The following ATF6 variants were observed in gnomAD, a reference collection of about 807,000 sequenced individuals.
The protein encoded by ATF6 is activating transcription factor 6, also known as cyclic AMP-dependent transcription factor ATF-6 alpha.
A neutral mutation model predicts 83.6 loss-of-function variants in ATF6; 53 were observed. The observed-to-expected ratio is 0.63, with a 90% confidence interval of 0.51 to 0.80. The LOEUF (loss-of-function observed/expected upper bound fraction) is 0.80, where lower values mean the gene tolerates loss of function less well. Ranked by LOEUF, ATF6 falls within the 30% of genes least tolerant of loss-of-function variation. ATF6 has a pLI of 0.00. For missense variants in ATF6, 744 were observed against 797.9 expected (o/e 0.93, Z 0.81); for synonymous variants, 288 against 285.8 (o/e 1.01, Z -0.08).
chr1:161,777,147 T>C (rs555488172), intron 1 of ATF6, among the ~76,000 whole-genome samples: 29 of 152,248 alleles, frequency 1.9e-4, no homozygotes, highest in African/African-American at 6.3e-4. Context: ...ATTATGTGTA[T>C]GTGGAGCGGG....
At chr1:161,812,373 T>C (rs1006833965) in intron 7 of ATF6, among the ~76,000 whole-genome samples, 15 of 14,386 alleles carry the variant, frequency 1.0e-3, no homozygotes, top group African/African-American at 4.1e-3. Flanking sequence ...GGTATTTTCT[T>C]TTTTTTTTTT....
chr1:161,774,997 TGGGAAAGTGCA>T (rs535659168), intron 1 of ATF6, among the ~76,000 whole-genome samples: 7 of 152,276 alleles, frequency 4.6e-5, no homozygotes, highest in African/African-American at 1.4e-4. Flanking sequence ...ATTCCAGGGC[TGGGAAAGTGCA>T]GGGAAAGTGC....
At chr1:161,920,139 T>TA (rs1053477273) in intron 15 of ATF6, among the ~76,000 whole-genome samples, 4 of 151,992 alleles carry the variant, frequency 2.6e-5, no homozygotes, top group African/African-American at 4.8e-5. Context: ...CTATTTTTTT[T>TA]AAAAAAGTAT....
intron 6 of ATF6, among the ~76,000 whole-genome samples, chr1:161,796,578 C>T (rs932728105): frequency 6.6e-6 from 1 of 152,168 alleles, no homozygotes; most frequent in Non-Finnish European, 1.5e-5. Context: ...TTGTACAGCT[C>T]TTCAAATTTT....
intron 15 of ATF6, among the ~76,000 whole-genome samples, chr1:161,913,790 T>C (rs1354485976): frequency 6.6e-6 from 1 of 152,224 alleles, no homozygotes; most frequent in Non-Finnish European, 1.5e-5. Flanking sequence ...CTGCCTAAAC[T>C]AGAATAGACC....
chr1:161,901,817 T>A (rs1281099426), intron 14 of ATF6, among the ~76,000 whole-genome samples: 3 of 152,174 alleles, frequency 2.0e-5, no homozygotes, highest in Non-Finnish European at 4.4e-5. Flanking sequence ...TTTTACCCTC[T>A]GTAACATTAA....
At chr1:161,900,658 AG>A (rs1687765006) in intron 14 of ATF6, among the ~76,000 whole-genome samples, 4 of 152,158 alleles carry the variant, frequency 2.6e-5, no homozygotes, top group African/African-American at 9.6e-5. Context: ...GCTTGATTAA[AG>A]TAGTTTATTT....
intron 9 of ATF6, among the ~76,000 whole-genome samples, chr1:161,827,920 A>G (rs932327538): frequency 7.9e-5 from 12 of 152,046 alleles, no homozygotes; most frequent in African/African-American, 9.7e-5. Flanking sequence ...TCATCTAGCT[A>G]TTTTTGGCAT....
chr1:161,821,835 C>T (rs1685769877), intron 9 of ATF6, among the ~76,000 whole-genome samples: 1 of 152,106 alleles, frequency 6.6e-6, no homozygotes, highest in Admixed American at 6.6e-5. Flanking sequence ...GCAGAGAAAG[C>T]ATTAGAAGAC....
rs555932310 is a variant in ATF6 at position 161,919,743 on chromosome 1, C to T, written c.1804+7363C>T. Among the ~76,000 whole-genome samples the T allele has an allele frequency of 3.0e-4, 46 of 152,192 alleles. No individual in the cohort carries two copies. The East Asian group carries it at 4.2e-3, about 14-fold the overall frequency. On this transcript the variant is annotated intron_variant, in intron 15 of 15. Coordinates refer to ENST00000367942, the MANE Select transcript of ATF6 (RefSeq NM_007348.4). ...TTATAACTGTTACTTGAATTAAGGG[C>T]CCACGTAGATGAACAAATGACTACC... is the stretch of plus-strand genomic sequence containing the variant.
chr1:161,848,061 C>G (rs1686524859), intron 10 of ATF6, among the ~76,000 whole-genome samples: 1 of 151,676 alleles, frequency 6.6e-6, no homozygotes, highest in South Asian at 2.1e-4. Flanking sequence ...TTTTCCCTCC[C>G]TTCTCCAAAG....
chr1:161,778,495 A>G (rs1229501572), intron 2 of ATF6, among the ~76,000 whole-genome samples, 175 bp downstream of exon 2: 3 of 152,178 alleles, frequency 2.0e-5, no homozygotes, highest in African/African-American at 7.2e-5. Context: ...TAAATGTAGG[A>G]CAGTAGAAAT....
intron 6 of ATF6, among the ~76,000 whole-genome samples, chr1:161,792,710 G>A (rs1453671478): frequency 6.6e-6 from 1 of 152,194 alleles, no homozygotes; most frequent in Non-Finnish European, 1.5e-5. Context: ...TTTCAGGTGT[G>A]TTATAGCAAT....
intron 7 of ATF6, among the ~76,000 whole-genome samples, chr1:161,814,882 A>G (rs892056502): frequency 3.3e-5 from 5 of 152,232 alleles, no homozygotes; most frequent in Non-Finnish European, 7.3e-5. Flanking sequence ...TTAAGAATGT[A>G]TCTATAAATA....
chr1:161,783,363 A>G (rs1179843582), intron 3 of ATF6, among the ~76,000 whole-genome samples: 5 of 152,098 alleles, frequency 3.3e-5, no homozygotes. Flanking sequence ...CGTATGGCTA[A>G]TTTTGGAAAA....
At chr1:161,917,740 A>G (rs1044359793) in intron 15 of ATF6, among the ~76,000 whole-genome samples, 8 of 152,114 alleles carry the variant, frequency 5.3e-5, no homozygotes, top group African/African-American at 1.7e-4. Context: ...ATTTTTCACA[A>G]TTTTGCTCAT....
rs1004586845 is a variant in ATF6, at chr1:161,959,824, G to A, written c.*1170G>A. The A allele has an allele frequency of 1.3e-5, 2 of 152,166 alleles. No individual in the cohort carries two copies. Among genetic ancestry groups the A allele is most frequent in the Non-Finnish European group, 2.9e-5 (2 of 68,028 alleles). The allele number at this position is 152,166 out of a possible 1,614,324, so 9.4% of individuals were successfully genotyped here. On this transcript the variant is annotated 3_prime_UTR_variant, in exon 16 of 16. Coordinates refer to ENST00000367942, the MANE Select transcript of ATF6 (RefSeq NM_007348.4). ...CTACTAATCTGGTCCAGGTCCTCAT[G>A]GACCACAGGACAAAGCTTTCATTTT...
chr1:161,940,764 A>G (rs952640894), intron 15 of ATF6, among the ~76,000 whole-genome samples: 5 of 151,910 alleles, frequency 3.3e-5, no homozygotes, highest in East Asian at 3.9e-4. Context: ...GGGTTTCACC[A>G]TGTTGGCCAG....
At chr1:161,896,827 C>T (rs1311918942) in intron 14 of ATF6, among the ~76,000 whole-genome samples, 1 of 151,842 alleles carries the variant, frequency 6.6e-6, no homozygotes, top group Non-Finnish European at 1.5e-5. Context: ...ACTTTTAGCC[C>T]CTTGTTTTAT....
Sources: gnomAD v4.1 joint callset for allele counts (sites outside exome capture counted in the v4.1 genomes callset) on GRCh38, gnomAD v4.1.1 for gene constraint, MANE v1.5 for transcripts, NCBI Gene and HGNC (gene_info 2026-07-23, HGNC 2026-07-21) for gene names.